The following PRDM16 variants were observed in gnomAD, a reference collection of about 807,000 sequenced individuals.
The protein encoded by PRDM16 is histone-lysine N-methyltransferase PRDM16.
A neutral mutation model predicts 110.6 loss-of-function variants in PRDM16; 23 were observed. The ratio of observed to expected loss-of-function variants is 0.21; its 90% confidence interval spans 0.15 to 0.29. The LOEUF is 0.29. Among genes scored for constraint, PRDM16 ranks in the 10% least tolerant of loss-of-function variants. The pLI is 1.00. For missense variants in PRDM16, 1,615 were observed against 1,794.3 expected, an observed-to-expected ratio of 0.90 and a Z score of 1.81; for synonymous variants, 799 against 781.8, an observed-to-expected ratio of 1.02 and a Z score of -0.37.
At chr1:3,090,168 T>C (rs1642243581) in intron 1 of PRDM16, among the ~76,000 whole-genome samples, 1 of 152,240 alleles carries the variant, frequency 6.6e-6, no homozygotes, top group African/African-American at 2.4e-5. Flanking sequence ...AGCAAGCTTC[T>C]TGATGCCCAG....
chr1:3,162,666 GAGC>G (rs970806621), intron 1 of PRDM16, among the ~76,000 whole-genome samples: 5 of 152,274 alleles, frequency 3.3e-5, no homozygotes, highest in African/African-American at 1.2e-4. Context: ...GCGAATCAGG[GAGC>G]AGATGAGTGG....
At chr1:3,349,988 C>T (rs866026385) in intron 3 of PRDM16, among the ~76,000 whole-genome samples, 3 of 107,058 alleles carry the variant, frequency 2.8e-5, no homozygotes, top group African/African-American at 9.8e-5. Context: ...CTGGAGGAGA[C>T]AGCAGTCAGA....
intron 1 of PRDM16, among the ~76,000 whole-genome samples, chr1:3,113,205 T>C (rs534766835): frequency 6.6e-6 from 1 of 152,348 alleles, no homozygotes; most frequent in South Asian, 2.1e-4. Context: ...CACTGCAATG[T>C]TCTCCCCCAA....
At chr1:3,399,608 T>G (rs560761847) in intron 5 of PRDM16, among the ~76,000 whole-genome samples, 1 of 152,336 alleles carries the variant, frequency 6.6e-6, no homozygotes, top group East Asian at 1.9e-4. Context: ...GGATGGTCAC[T>G]GAAGTCGGCT....
At chr1:3,416,681 G>A (rs1638273938) in intron 10 of PRDM16, among the ~76,000 whole-genome samples, 2 of 152,216 alleles carry the variant, frequency 1.3e-5, no homozygotes, top group African/African-American at 4.8e-5. Context: ...GCTCCCAGGG[G>A]AGGCAGGCTA....
chr1:3,316,366 A>C (rs1427590735), intron 3 of PRDM16, among the ~76,000 whole-genome samples: 1 of 152,196 alleles, frequency 6.6e-6, no homozygotes, highest in African/African-American at 2.4e-5. Flanking sequence ...TCTAGCCTGC[A>C]AAAGCTACGG....
chr1:3,186,340 G>A lies in PRDM16; in HGVS notation c.253G>A (p.Glu85Lys). 2 of 1,612,316 alleles carry A rather than the reference G, an allele frequency of 1.2e-6. No homozygotes were observed. Among genetic ancestry groups the A allele is most frequent in the East Asian group, 2.2e-5 (1 of 44,856 alleles). ...PEDIPIPADF[E>K]LRESSIPGAG... The stretch of plus-strand genomic sequence containing the variant: ...AGACATTCCGATCCCAGCAGACTTC[G>A]AGCTCCGAGAGTCCTCCATCCCAGG... Residue 85 changes from glutamate to lysine, a missense_variant, in exon 2 of 17, where the codon GAG becomes AAG. Glu to Lys is a moderately conservative substitution (Grantham distance 56). Around this residue, in one of 5 missense-constraint regions of PRDM16, gnomAD observed 416 missense variants for 467.1 expected, o/e 0.89. Transcript: ENST00000270722.
At position 3,209,823 on chromosome 1, in the gene PRDM16, C is replaced by T. The variant is rs539239087; in HGVS notation, c.387+23349C>T. Among the ~76,000 whole-genome samples the T allele has an allele frequency of 6.6e-6, 1 of 152,254 alleles. No homozygotes were observed. The highest frequency in any genetic ancestry group is 1.5e-5 in the Non-Finnish European group (1 of 68,028). On this transcript the variant is annotated intron_variant, in intron 2 of 16. Transcript: ENST00000270722. This position sits in a 1 kb window ranked among gnomAD's most constrained non-coding sequence, Gnocchi z 4.6. Reference sequence around the variant, plus strand: ...CAGCGTTTTCCAAACTGGCAGAACCCGGGGATCTAAGACGGGCATGCTGGA... The same window carrying T: ...CAGCGTTTTCCAAACTGGCAGAACCTGGGGATCTAAGACGGGCATGCTGGA...
At chr1:3,351,579 TCTCCCTCCCTCTCTCTTCCC>T (rs1642487407) in intron 3 of PRDM16, among the ~76,000 whole-genome samples, 2 of 1,614 alleles carry the variant, frequency 1.2e-3, no homozygotes, top group Non-Finnish European at 2.7e-3. Flanking sequence ...TTCCTCCTTC[TCTCCCTCCCTCTCTCTTCCC>T]CTCCCTCTCT....
At position 3,358,842 on chromosome 1, in the gene PRDM16, C is replaced by T. The variant is rs1642662112; in HGVS notation, c.439-26310C>T. Among the ~76,000 whole-genome samples the T allele has an allele frequency of 6.6e-6, 1 of 152,162 alleles. No homozygotes were observed. Among genetic ancestry groups the T allele is most frequent in the African/African-American group, 2.4e-5 (1 of 41,428 alleles). The stretch of plus-strand genomic sequence containing the variant: ...CGGGGAGGAGGGAGCTCATTCCAAA[C>T]TCAAGCCATTTTGAGGAAAACAGAC... On this transcript the variant is annotated intron_variant, in intron 3 of 16. Coordinates refer to ENST00000270722, the MANE Select transcript of PRDM16 (RefSeq NM_022114.4). The surrounding 1 kb of genome is among the most constrained non-coding windows in gnomAD (Gnocchi z 4.0).
At chr1:3,400,725 C>T (rs954422080) in intron 5 of PRDM16, among the ~76,000 whole-genome samples, 2 of 152,150 alleles carry the variant, frequency 1.3e-5, no homozygotes, top group African/African-American at 4.8e-5. Flanking sequence ...TTCCCCCAAA[C>T]CAGTGCTTTC....
chr1:3,142,170 G>T (rs1643563756), intron 1 of PRDM16, among the ~76,000 whole-genome samples: 1 of 152,258 alleles, frequency 6.6e-6, no homozygotes, highest in Non-Finnish European at 1.5e-5. Flanking sequence ...TGGTCTTCCA[G>T]GAAGAGGTTG....
chr1:3,096,632 G>A (rs1257514392), intron 1 of PRDM16, among the ~76,000 whole-genome samples: 1 of 152,128 alleles, frequency 6.6e-6, no homozygotes. Context: ...CGTGAGGGAG[G>A]GACGCCAGGG....
rs7551599 is a variant in PRDM16 at position 3,431,739 on chromosome 1, G to A, written c.3522-227G>A. Among the ~76,000 whole-genome samples the A allele has an allele frequency of 9.7e-3, 1,471 of 152,346 alleles. 26 individuals carry two copies. The highest frequency in any genetic ancestry group is 0.034 in the African/African-American group (1,406 of 41,574). ...GAGCCCCCTGCCTGCTGCCTGATGC[G>A]TGTGCACGCACTCACCCCCTCCCTG... On this transcript the variant is annotated intron_variant, in intron 15 of 16. Coordinates refer to ENST00000270722, the MANE Select transcript of PRDM16 (RefSeq NM_022114.4).
At chr1:3,400,652 T>A (rs1016204264) in intron 5 of PRDM16, among the ~76,000 whole-genome samples, 3 of 152,174 alleles carry the variant, frequency 2.0e-5, no homozygotes, top group Non-Finnish European at 4.4e-5. Context: ...ACCGCAGTCC[T>A]GTGGGAAGTG....
chr1:3,407,727 GA>G (rs1284374592), intron 8 of PRDM16, among the ~76,000 whole-genome samples: 2 of 152,176 alleles, frequency 1.3e-5, no homozygotes, highest in Admixed American at 1.3e-4. Flanking sequence ...TGCATTCCAA[GA>G]GCTGCAGCAC....
At chr1:3,132,567 A>AC (rs1357720730) in intron 1 of PRDM16, among the ~76,000 whole-genome samples, 6 of 150,712 alleles carry the variant, frequency 4.0e-5, no homozygotes, top group Non-Finnish European at 3.0e-5. Context: ...TCTCCCCTCC[A>AC]CCCCCCATTA....
chr1:3,207,000 T>G lies in PRDM16; in HGVS notation c.387+20526T>G, dbSNP rs376431535. 9 of 152,274 alleles carry G rather than the reference T, an allele frequency of 5.9e-5. No individual in the cohort carries two copies. The South Asian group carries it at 6.2e-4, about 11-fold the overall frequency. 9.4% of individuals were successfully genotyped at this position (152,274 alleles called of 1,614,324 possible). ...GCAATGCCGCCCGCATGTCCCCACATGGACCTGCTTCCAGGAAGGTGGAAA... is the reference window on the plus strand; with the variant it reads ...GCAATGCCGCCCGCATGTCCCCACAGGGACCTGCTTCCAGGAAGGTGGAAA... On this transcript the variant is annotated intron_variant, in intron 2 of 16. Coordinates refer to ENST00000270722, the MANE Select transcript of PRDM16 (RefSeq NM_022114.4). The surrounding 1 kb of genome is among the most constrained non-coding windows in gnomAD (Gnocchi z 4.9).
At chr1:3,396,430 A>AG (rs1643387415) in intron 4 of PRDM16, 61 bp from the exon 5 acceptor site, 1 of 928,184 alleles carries the variant, frequency 1.1e-6, no homozygotes, top group East Asian at 2.6e-5. Flanking sequence ...GTGTGCACTG[A>AG]GAGGCTCTCC....
Sources: allele counts gnomAD v4.1 joint callset (sites outside exome capture counted in the v4.1 genomes callset), GRCh38; gene constraint gnomAD v4.1.1; regional missense constraint gnomAD v4.1.1; non-coding constraint Gnocchi (gnomAD v3.1); transcripts MANE v1.5; gene names NCBI Gene and HGNC (gene_info 2026-07-23, HGNC 2026-07-21).